VIT: variants seen among roughly 807,000 people sequenced by gnomAD.
The protein encoded by VIT is vitrin.
In VIT, 99 loss-of-function variants were observed where a neutral mutation model predicts 78.0. The ratio of observed to expected loss-of-function variants is 1.27; its 90% CI spans 1.08 to 1.50. The LOEUF is 1.50. VIT is among the 40% of genes most tolerant of loss of function. The pLI is 0.00. For synonymous variants in VIT, 374 were observed against 334.3 expected (o/e 1.12, Z -1.29); for missense variants, 1,126 against 875.3 (o/e 1.29, Z -3.61).
At position 36,787,128 on chromosome 2, in the gene VIT, G is replaced by A; in HGVS notation, c.911-1G>A. The A allele has an allele frequency of 6.2e-7, 1 of 1,614,154 alleles. No homozygotes were observed. The stretch of plus-strand genomic sequence containing the variant: ...TAATAGAGTCTTTTTCCGTTCCGCA[G>A]ACTGCAAAATTGACTTGTCGTTTTT... On this transcript the variant is annotated splice_acceptor_variant, in intron 11 of 15. Transcript: ENST00000379242. LOFTEE classifies it high-confidence loss of function.
intron 6 of VIT, among the ~76,000 whole-genome samples, chr2:36,761,252 G>A (rs1669100627): frequency 2.0e-5 from 3 of 152,188 alleles, no homozygotes; most frequent in Non-Finnish European, 2.9e-5. Flanking sequence ...GTACGACAAA[G>A]TGTGAAGGAA....
chr2:36,780,648 A>C (rs937669447), intron 9 of VIT, among the ~76,000 whole-genome samples: 2 of 152,260 alleles, frequency 1.3e-5, no homozygotes, highest in African/African-American at 4.8e-5. Context: ...GTGCAGTAAC[A>C]GATTGCCTTT....
intron 15 of VIT, among the ~76,000 whole-genome samples, chr2:36,812,323 T>A (rs1572592310): frequency 6.6e-6 from 1 of 151,352 alleles, no homozygotes. Flanking sequence ...CGGGGGGAGG[T>A]GCCAGGGCAG....
chr2:36,790,536 C>A (rs1358522013), intron 12 of VIT, among the ~76,000 whole-genome samples: 1 of 152,190 alleles, frequency 6.6e-6, no homozygotes, highest in Non-Finnish European at 1.5e-5. Context: ...TGTCAGCAAC[C>A]ACAGCATTCC....
intron 9 of VIT, 113 bp from the exon 10 acceptor site, chr2:36,781,614 T>C (rs1664757653): frequency 1.7e-6 from 2 of 1,211,666 alleles, no homozygotes; most frequent in African/African-American, 1.5e-5. Flanking sequence ...TCTGTTCCTT[T>C]ATTGAACTTT....
intron 1 of VIT, among the ~76,000 whole-genome samples, chr2:36,712,268 G>C (rs551666092): frequency 6.6e-6 from 1 of 152,320 alleles, no homozygotes; most frequent in East Asian, 1.9e-4. Flanking sequence ...TAAGATACTA[G>C]AGTGATTCTG....
chr2:36,794,791 G>A (rs1002594231), intron 12 of VIT, among the ~76,000 whole-genome samples: 2 of 152,182 alleles, frequency 1.3e-5, no homozygotes, highest in Non-Finnish European at 2.9e-5. Context: ...ATAAATAAAT[G>A]TGGTAGAGGT....
At position 36,754,950 on chromosome 2, in the gene VIT, T is replaced by C. The variant is rs1352364066; in HGVS notation, c.305T>C (p.Ile102Thr). ...GTGCTTGATAATTCAGGAGGGAAAA[T>C]ACTTGTTCGGAAGGTTGCTGGACAG... ...SGVLDNSGGK[I>T]LVRKVAGQSG... Residue 102 changes from isoleucine to threonine, a missense_variant, in exon 5 of 16, where the codon ATA becomes ACA. Physicochemically the swap from Ile to Thr is moderately conservative, Grantham distance 89. Transcript: ENST00000379242. 1.1e-5 allele frequency: 18 copies of C among 1,613,960 alleles called. No individual in the cohort carries two copies. Among genetic ancestry groups the C allele is most frequent in the Non-Finnish European group, 1.5e-5 (18 of 1,180,002 alleles).
chr2:36,808,461 C>CT lies in VIT; in HGVS notation c.1390-10dup. ...CTGACGTGGCGTGGGTCCCTCCCCTCTGTCTTCTAGGCCGTGTGCAGAACA... is the reference window on the plus strand; with the variant it reads ...CTGACGTGGCGTGGGTCCCTCCCCTCTTGTCTTCTAGGCCGTGTGCAGAACA... On this transcript the variant is annotated splice_polypyrimidine_tract_variant and intron_variant, in intron 14 of 15. Transcript: ENST00000379242. 6.3e-7 allele frequency: 1 copy of CT among 1,590,552 alleles called. No homozygotes were observed. The highest frequency in any genetic ancestry group is 8.6e-7 in the Non-Finnish European group (1 of 1,163,404).
chr2:36,792,790 G>A (rs1665595076), intron 12 of VIT, among the ~76,000 whole-genome samples: 2 of 152,198 alleles, frequency 1.3e-5, no homozygotes, highest in Non-Finnish European at 2.9e-5. Context: ...ACAGTGGCCA[G>A]TCCAGAGGGC....
rs778456457 is a variant in VIT at position 36,814,164 on chromosome 2, C to G, written c.1904-19C>G. ...CCTTTACTTGGGGACATTTGTTCAT[C>G]TAACCTTTGTCCCCACAGGAGTGAT... On this transcript the variant is annotated intron_variant, in intron 15 of 15. Coordinates refer to ENST00000379242, the MANE Select transcript of VIT (RefSeq NM_053276.4). The G allele has an allele frequency of 1.2e-5, 19 of 1,610,656 alleles. No homozygotes were observed. Among genetic ancestry groups the G allele is most frequent in the Non-Finnish European group, 1.6e-5 (19 of 1,177,702 alleles).
intron 1 of VIT, among the ~76,000 whole-genome samples, chr2:36,705,402 A>G (rs1437154625): frequency 2.6e-5 from 4 of 152,228 alleles, no homozygotes; most frequent in East Asian, 1.9e-4. Context: ...CAGTGTCTCT[A>G]GAAATCACCA....
chr2:36,746,689 T>C (rs1668156622), intron 4 of VIT, among the ~76,000 whole-genome samples: 2 of 152,134 alleles, frequency 1.3e-5, no homozygotes, highest in African/African-American at 4.8e-5. Flanking sequence ...GTCTTCTTTC[T>C]TTTTTCCTTT....
intron 12 of VIT, among the ~76,000 whole-genome samples, chr2:36,797,474 G>C (rs182504575): frequency 2.6e-5 from 4 of 152,180 alleles, no homozygotes; most frequent in Admixed American, 6.5e-5. Context: ...GATGAGGAGA[G>C]TGTCAGGAAC....
intron 2 of VIT, among the ~76,000 whole-genome samples, chr2:36,717,627 C>T (rs769944717): frequency 1.5e-4 from 23 of 152,078 alleles, no homozygotes; most frequent in African/African-American, 4.8e-4. Context: ...TAGAAGTGCT[C>T]AACTGAAGTG....
At chr2:36,767,045 A>AGT in intron 6 of VIT, 49 bp from the exon 7 acceptor site, 1 of 1,489,002 alleles carries the variant, frequency 6.7e-7, no homozygotes, top group South Asian at 1.4e-5. Context: ...GTTCTATAAG[A>AGT]GTGTACAGGT....
chr2:36,721,926 C>G (rs1666539969), intron 2 of VIT, among the ~76,000 whole-genome samples: 1 of 152,130 alleles, frequency 6.6e-6, no homozygotes, highest in African/African-American at 2.4e-5. Context: ...TCTGGGTCTC[C>G]AAAATCTGTT....
intron 6 of VIT, 71 bp downstream of exon 6, chr2:36,759,117 C>T (rs747277710): frequency 1.9e-5 from 31 of 1,614,032 alleles, no homozygotes; most frequent in East Asian, 2.2e-5. Context: ...TGGGAGATAG[C>T]GGAGAAATTA....
chr2:36,760,820 C>T (rs955139149), intron 6 of VIT, among the ~76,000 whole-genome samples: 13 of 152,212 alleles, frequency 8.5e-5, no homozygotes, highest in African/African-American at 3.1e-4. Flanking sequence ...GGGGCAGCCC[C>T]TTCCCACAGA....
Sources: allele counts gnomAD v4.1 joint callset (sites outside exome capture counted in the v4.1 genomes callset), GRCh38; gene constraint gnomAD v4.1.1; transcripts MANE v1.5; gene names NCBI Gene and HGNC (gene_info 2026-07-23, HGNC 2026-07-21).